Variants in TRDN observed in about 807,000 individuals in gnomAD.
TRDN encodes triadin in skeletal muscle.
In TRDN, 161 loss-of-function variants were observed where a neutral mutation model predicts 149.7. That is an observed-to-expected ratio of 1.08 (90% CI 0.95 to 1.23). The LOEUF (loss-of-function observed/expected upper bound fraction) is 1.23. TRDN is among the 50% of genes most tolerant of loss of function. The pLI, the probability that TRDN is intolerant of heterozygous loss-of-function variation, is 0.00. For missense variants in TRDN, 896 were observed against 823.5 expected (o/e 1.09, Z -1.08); for synonymous variants, 294 against 250.5 (o/e 1.17, Z -1.64).
chr6:123,585,744 C>A (rs1385189943), intron 1 of TRDN, among the ~76,000 whole-genome samples: 1 of 152,056 alleles, frequency 6.6e-6, no homozygotes, highest in Non-Finnish European at 1.5e-5. Flanking sequence ...AGATTTCTGG[C>A]ACTTGTAGCA....
chr6:123,590,909 G>T (rs1783747001), intron 1 of TRDN, among the ~76,000 whole-genome samples: 1 of 152,122 alleles, frequency 6.6e-6, no homozygotes, highest in Non-Finnish European at 1.5e-5. Context: ...CAAAAAGAAT[G>T]GAAACCACTG....
intron 2 of TRDN, among the ~76,000 whole-genome samples, chr6:123,556,963 G>A (rs1333440542): frequency 3.3e-5 from 5 of 151,988 alleles, no homozygotes; most frequent in Admixed American, 6.6e-5. Flanking sequence ...GAAAGTGGCC[G>A]GTCCCTGCCT....
intron 38 of TRDN, among the ~76,000 whole-genome samples, chr6:123,233,452 T>C (rs4513817): frequency 0.053 from 8,072 of 152,154 alleles, 636 homozygotes; most frequent in African/African-American, 0.18. Context: ...TCAATGAATG[T>C]ATGCGACCCT....
At chr6:123,636,708 A>T (rs759706082) in intron 1 of TRDN, 46 bp downstream of exon 1, 1 of 1,607,328 alleles carries the variant, frequency 6.2e-7, no homozygotes, top group South Asian at 1.1e-5. Context: ...GTCGATTTGC[A>T]TATTTTTTTT....
At chr6:123,394,435 C>G (rs762913348) in intron 12 of TRDN, among the ~76,000 whole-genome samples, 1 of 152,128 alleles carries the variant, frequency 6.6e-6, no homozygotes, top group East Asian at 1.9e-4. Flanking sequence ...ATTGTCTTTA[C>G]TGTTTTCAAT....
chr6:123,633,365 A>G (rs887014967), intron 1 of TRDN, among the ~76,000 whole-genome samples: 1 of 152,094 alleles, frequency 6.6e-6, no homozygotes, highest in African/African-American at 2.4e-5. Context: ...AGTCTCACAC[A>G]GTAAGAAGAC....
chr6:123,314,937 C>T (rs1414911268), intron 24 of TRDN, among the ~76,000 whole-genome samples: 5 of 151,796 alleles, frequency 3.3e-5, no homozygotes, highest in African/African-American at 9.7e-5. Flanking sequence ...TACAACAAAC[C>T]CCATGACACA....
intron 1 of TRDN, among the ~76,000 whole-genome samples, chr6:123,626,305 A>C (rs1231110130): frequency 6.6e-6 from 1 of 152,078 alleles, no homozygotes; most frequent in African/African-American, 2.4e-5. Flanking sequence ...AACATGGTGA[A>C]ACCCCGTCTC....
At chr6:123,288,100 T>TA (rs1163818350) in intron 24 of TRDN, among the ~76,000 whole-genome samples, 1 of 151,884 alleles carries the variant, frequency 6.6e-6, no homozygotes, top group Non-Finnish European at 1.5e-5. Context: ...GCAAAGGAAT[T>TA]AAAAAGGAAA....
intron 38 of TRDN, among the ~76,000 whole-genome samples, chr6:123,231,546 AC>A (rs1775601973): frequency 6.6e-6 from 1 of 152,030 alleles, no homozygotes; most frequent in African/African-American, 2.4e-5. Context: ...GATCACACAC[AC>A]AAAAAATTTT....
At chr6:123,378,984 T>A (rs1367216631) in intron 16 of TRDN, among the ~76,000 whole-genome samples, 1 of 152,222 alleles carries the variant, frequency 6.6e-6, no homozygotes, top group Non-Finnish European at 1.5e-5. Context: ...AGTGCTATCA[T>A]CTACATTTCT....
intron 1 of TRDN, among the ~76,000 whole-genome samples, chr6:123,626,446 A>G (rs1785673160): frequency 6.6e-6 from 1 of 152,168 alleles, no homozygotes. Context: ...GTGCCAGTGC[A>G]TGCCGAACTA....
At chr6:123,259,922 A>C in intron 34 of TRDN, among the ~76,000 whole-genome samples, 1 of 146,560 alleles carries the variant, frequency 6.8e-6, no homozygotes, top group African/African-American at 2.5e-5. Flanking sequence ...TCCTCCTCCT[A>C]CTTCTTTTTT....
intron 14 of TRDN, among the ~76,000 whole-genome samples, chr6:123,383,818 A>G (rs17737710): frequency 0.15 from 22,939 of 152,112 alleles, 1,797 homozygotes; most frequent in African/African-American, 0.21. Flanking sequence ...CTCTTTCTGA[A>G]TTTCAAATTT....
chr6:123,438,050 G>A lies in TRDN; in HGVS notation c.1051+13C>T. On this transcript the variant is annotated intron_variant, in intron 12 of 40. Transcript: ENST00000334268. The stretch of plus-strand genomic sequence containing the variant: ...AACGTAATCCATCTAAGGAAACAAA[G>A]AAAGTGCAATACCTTTTTTTTCCAC... The A allele has an allele frequency of 6.3e-7, 1 of 1,595,306 alleles. No homozygotes were observed. Among genetic ancestry groups the A allele is most frequent in the Non-Finnish European group, 8.5e-7 (1 of 1,169,924 alleles).
chr6:123,564,446 C>T (rs1782175722), intron 2 of TRDN, among the ~76,000 whole-genome samples: 1 of 152,094 alleles, frequency 6.6e-6, no homozygotes, highest in Admixed American at 6.5e-5. Context: ...TAAATTTGTA[C>T]TTTCTGACTG....
intron 12 of TRDN, among the ~76,000 whole-genome samples, chr6:123,405,458 G>T (rs1007725846): frequency 4.4e-4 from 67 of 152,184 alleles, no homozygotes; most frequent in African/African-American, 1.5e-3. Context: ...TGAACTATAC[G>T]CTGAGTTTTA....
At chr6:123,484,136 A>G (rs1177309195) in intron 9 of TRDN, among the ~76,000 whole-genome samples, 2 of 152,140 alleles carry the variant, frequency 1.3e-5, no homozygotes, top group Non-Finnish European at 2.9e-5. Context: ...ATACAAAAGC[A>G]TCCTCTGCAG....
At position 123,332,097 on chromosome 6, in the gene TRDN, T is replaced by C. The variant is rs189554196; in HGVS notation, c.1421-168A>G. ...ATATAGGGACAAAGAAACAACAGTA[T>C]AGAATACAATAAGCCATAAACTGAT... is the stretch of plus-strand genomic sequence containing the variant. On this transcript the variant is annotated intron_variant, in intron 22 of 40. Coordinates refer to ENST00000334268, the MANE Select transcript of TRDN (RefSeq NM_006073.4). Among the ~76,000 whole-genome samples the C allele has an allele frequency of 2.9e-4, 44 of 152,134 alleles. 1 individual carries two copies. Among genetic ancestry groups the C allele is most frequent in the Middle Eastern group, 6.8e-3 (2 of 294 alleles).
Sources: gnomAD v4.1 joint callset for allele counts (sites outside exome capture counted in the v4.1 genomes callset) on GRCh38, gnomAD v4.1.1 for gene constraint, MANE v1.5 for transcripts, NCBI Gene and HGNC (gene_info 2026-07-23, HGNC 2026-07-21) for gene names.